ABCA12: variants seen among roughly 807,000 people sequenced by gnomAD.
The protein encoded by ABCA12 is ATP binding cassette subfamily A member 12, also known as glucosylceramide transporter ABCA12.
Under a neutral mutation model 293.5 loss-of-function variants are expected in ABCA12, and 156 were observed. The ratio of observed to expected loss-of-function variants is 0.53; its 90% confidence interval spans 0.47 to 0.61. The LOEUF (loss-of-function observed/expected upper bound fraction) is 0.61, where lower values mean the gene tolerates loss of function less well. Ranked by LOEUF, ABCA12 falls within the 20% of genes least tolerant of loss-of-function variation. The pLI, the probability that ABCA12 is intolerant of heterozygous loss-of-function variation, is 0.00. For synonymous variants in ABCA12, 1,063 were observed against 1,108.0 expected, an observed-to-expected ratio of 0.96 and a Z score of 0.81; for missense variants, 2,797 against 3,090.2, an observed-to-expected ratio of 0.91 and a Z score of 2.25.
chr2:214,983,080 C>T (rs1432396397), intron 29 of ABCA12, among the ~76,000 whole-genome samples: 1 of 152,034 alleles, frequency 6.6e-6, no homozygotes, highest in Non-Finnish European at 1.5e-5. Context: ...CTGGAGCAGG[C>T]CTAGGACAGT....
At chr2:214,939,978 TG>T (rs1395689098) in intron 50 of ABCA12, among the ~76,000 whole-genome samples, 1 of 152,258 alleles carries the variant, frequency 6.6e-6, no homozygotes, top group Non-Finnish European at 1.5e-5. Context: ...CTGATGGCTC[TG>T]GCCAGAACTT....
At chr2:214,942,887 C>T (rs1259741393) in intron 50 of ABCA12, 38 bp downstream of exon 50, 1 of 1,534,124 alleles carries the variant, frequency 6.5e-7, no homozygotes, top group African/African-American at 1.4e-5. Context: ...AGATAGATGA[C>T]CCAACACTAT....
intron 39 of ABCA12, among the ~76,000 whole-genome samples, chr2:214,966,508 A>G (rs1197259288): frequency 6.6e-6 from 1 of 152,238 alleles, no homozygotes; most frequent in African/African-American, 2.4e-5. Context: ...ATTTGTAAAC[A>G]TTAATTGTTT....
chr2:214,945,902 A>C (rs1698566930), intron 48 of ABCA12, among the ~76,000 whole-genome samples: 1 of 152,166 alleles, frequency 6.6e-6, no homozygotes, highest in South Asian at 2.1e-4. Flanking sequence ...TGGAGAGTAG[A>C]ATAATGGTTA....
At chr2:215,019,282 G>A (rs1485152862) in intron 13 of ABCA12, 54 bp downstream of exon 13, 1 of 1,501,574 alleles carries the variant, frequency 6.7e-7, no homozygotes, top group East Asian at 2.3e-5. Context: ...ACTGCAGCGT[G>A]AGAATCACAT....
At chr2:214,945,906 A>G (rs1698567019) in intron 48 of ABCA12, among the ~76,000 whole-genome samples, 1 of 152,132 alleles carries the variant, frequency 6.6e-6, no homozygotes, top group Non-Finnish European at 1.5e-5. Context: ...GAGTAGAATA[A>G]TGGTTACTGG....
intron 9 of ABCA12, chr2:215,029,374 G>C (rs994811880): frequency 6.6e-6 from 1 of 152,132 alleles, no homozygotes; most frequent in Admixed American, 6.5e-5. Context: ...TCGTTCTCCT[G>C]CTTCAGTAAG....
At chr2:215,078,363 T>C (rs891682607) in intron 2 of ABCA12, among the ~76,000 whole-genome samples, 3 of 152,208 alleles carry the variant, frequency 2.0e-5, no homozygotes, top group African/African-American at 7.2e-5. Context: ...TCATGTAGCA[T>C]TGTGTTTAGC....
chr2:215,072,708 G>A (rs1226095327), intron 2 of ABCA12, among the ~76,000 whole-genome samples: 1 of 152,164 alleles, frequency 6.6e-6, no homozygotes, highest in Non-Finnish European at 1.5e-5. Flanking sequence ...ACAAATACAT[G>A]GCAGATAATA....
In ABCA12 at chr2:214,983,719, T is replaced by C. The variant is rs1699721279; in HGVS notation, c.4310A>G (p.Glu1437Gly). 1.2e-6 allele frequency: 2 copies of C among 1,613,972 alleles called. No homozygotes were observed. Among genetic ancestry groups the C allele is most frequent in the Non-Finnish European group, 1.7e-6 (2 of 1,180,014 alleles). Residue 1437 changes from glutamate (E) to glycine (G), a missense_variant, in exon 29 of 53, where the codon GAG becomes GGG. Glu to Gly is a moderately conservative substitution (Grantham distance 98). Transcript: ENST00000272895. ...DVLFSYLTTK[E>G]HLLLYGSIKV... ...GATGGAACCATATAGGAGAAGGTGC[T>C]CCTTAGTAGTGAGGTAACTGAACAA...
At chr2:214,987,483 A>G (rs746041113) in intron 27 of ABCA12, among the ~76,000 whole-genome samples, 164 bp downstream of exon 27, 9 of 152,178 alleles carry the variant, frequency 5.9e-5, no homozygotes, top group Admixed American at 1.3e-4. Flanking sequence ...AAAAGCCACA[A>G]TTTAATCCCC....
chr2:214,985,957 C>T (rs1358984502), intron 28 of ABCA12, among the ~76,000 whole-genome samples: 2 of 152,172 alleles, frequency 1.3e-5, no homozygotes, highest in Non-Finnish European at 2.9e-5. Flanking sequence ...TGAGAAAGAA[C>T]AGCTTATGTT....
At chr2:215,113,045 A>G (rs1028245369) in intron 1 of ABCA12, among the ~76,000 whole-genome samples, 1 of 152,200 alleles carries the variant, frequency 6.6e-6, no homozygotes. Flanking sequence ...GGAACTGTAT[A>G]GTTTTCTGGT....
chr2:215,094,929 C>T lies in ABCA12; in HGVS notation c.163+16668G>A, dbSNP rs182585687. On this transcript the variant is annotated intron_variant, in intron 2 of 52. Transcript: ENST00000272895. ...TTCCAGTTTTGCCTTACATAGTTCT[C>T]TTCTTCCTCTGTGGCTTCTCCACCT... Among the ~76,000 whole-genome samples, 133 of 151,336 alleles carry T rather than the reference C, an allele frequency of 8.8e-4. 1 individual carries two copies. Among genetic ancestry groups the T allele is most frequent in the East Asian group, 6.6e-3 (34 of 5,154 alleles).
intron 42 of ABCA12, among the ~76,000 whole-genome samples, chr2:214,955,659 G>A (rs1284266130): frequency 6.6e-6 from 1 of 152,194 alleles, no homozygotes; most frequent in Non-Finnish European, 1.5e-5. Flanking sequence ...GTGAGATCCT[G>A]TCTCAGAAAA....
chr2:215,050,603 A>T (rs894910871), intron 5 of ABCA12, among the ~76,000 whole-genome samples: 2 of 152,006 alleles, frequency 1.3e-5, no homozygotes, highest in African/African-American at 4.8e-5. Context: ...AATTCTTATT[A>T]CTCCATGAGG....
At position 215,045,806 on chromosome 2, in the gene ABCA12, A is replaced by G. The variant is rs371345468; in HGVS notation, c.872+31T>C. The G allele has an allele frequency of 7.4e-5, 117 of 1,589,852 alleles. 1 individual carries two copies. In the African/African-American group the frequency reaches 1.4e-3, roughly 19 times the overall value. On this transcript the variant is annotated intron_variant, in intron 7 of 52. Coordinates refer to ENST00000272895, the MANE Select transcript of ABCA12 (RefSeq NM_173076.3). ...TTTTAAACACTTCTTTGTGAACACT[A>G]ATATTACATTTAATTCTTACATTTT...
At chr2:215,017,833 T>A in intron 14 of ABCA12, 175 bp downstream of exon 14, 1 of 771,478 alleles carries the variant, frequency 1.3e-6, no homozygotes, top group African/African-American at 1.8e-5. Flanking sequence ...ATAAAATTCT[T>A]GCTTCAGAAT....
intron 38 of ABCA12, 30 bp from the exon 39 acceptor site, chr2:214,966,983 A>G (rs1390184268): frequency 6.5e-7 from 1 of 1,547,374 alleles, no homozygotes; most frequent in Non-Finnish European, 8.9e-7. Context: ...GGCAAGATCA[A>G]TATTGCATTC....
Sources: allele counts gnomAD v4.1 joint callset (sites outside exome capture counted in the v4.1 genomes callset), GRCh38; gene constraint gnomAD v4.1.1; transcripts MANE v1.5; gene names NCBI Gene and HGNC (gene_info 2026-07-23, HGNC 2026-07-21).